NIN: variants seen among roughly 807,000 people sequenced by gnomAD.
NIN encodes glycogen synthase kinase 3 beta-interacting protein.
Under a neutral mutation model 257.6 loss-of-function variants are expected in NIN, and 137 were observed. That is an observed-to-expected ratio of 0.53 (90% CI 0.46 to 0.61). NIN has a LOEUF of 0.61. NIN is among the 20% of genes least tolerant of loss of function. The pLI, the probability that NIN is intolerant of heterozygous loss-of-function variation, is 0.00. For missense variants in NIN, 2,439 were observed against 2,501.2 expected (o/e 0.98, Z 0.53); for synonymous variants, 918 against 919.8 (o/e 1.00, Z 0.04).
chr14:50,775,945 CA>C (rs1206131985), intron 7 of NIN, among the ~76,000 whole-genome samples: 12 of 151,526 alleles, frequency 7.9e-5, no homozygotes, highest in Admixed American at 5.9e-4. Context: ...GGGAAAACAA[CA>C]AAAAAAATTT....
intron 5 of NIN, among the ~76,000 whole-genome samples, chr14:50,786,220 T>C (rs1158904340): frequency 6.6e-6 from 1 of 152,218 alleles, no homozygotes; most frequent in African/African-American, 2.4e-5. Flanking sequence ...AAAAAATACC[T>C]TTCCTGCTCC....
chr14:50,790,091 G>A (rs1299793335), intron 5 of NIN, among the ~76,000 whole-genome samples: 1 of 152,148 alleles, frequency 6.6e-6, no homozygotes, highest in African/African-American at 2.4e-5. Flanking sequence ...GTCTTGCTCT[G>A]TCACCCAGGC....
intron 4 of NIN, among the ~76,000 whole-genome samples, chr14:50,800,960 C>T (rs945628748): frequency 8.5e-5 from 12 of 140,766 alleles, no homozygotes; most frequent in African/African-American, 3.2e-4. Context: ...TTTTTGTATT[C>T]TTTAGTAGAG....
chr14:50,757,215 C>A lies in NIN; in HGVS notation c.3815G>T (p.Arg1272Leu), dbSNP rs376940565. The A allele has an allele frequency of 6.2e-7, 1 of 1,614,112 alleles. No individual in the cohort carries two copies. The highest frequency in any genetic ancestry group is 2.2e-5 in the East Asian group (1 of 44,890). ...GTTATTTTCTAGTGCCTCATCGTAG[C>A]GTGTCTCCATCATTCTCAGCTCTTC... Reference protein sequence around the residue: ...LQEELRMMETRYDEALENNKE... With the variant: ...LQEELRMMETLYDEALENNKE... The change falls in exon 18 of 31, where the codon CGC (arginine) becomes CTC (leucine). Residue 1272 changes from arginine (R) to leucine (L), a missense_variant. Physicochemically the swap from Arg to Leu is moderately radical, Grantham distance 102. Around this residue, in one of 3 missense-constraint regions of NIN, gnomAD observed 2,043 missense variants for 2,050.2 expected, o/e 1.00. Coordinates refer to ENST00000530997, the MANE Select transcript of NIN (RefSeq NM_020921.4).
chr14:50,831,490 C>T (rs1040812262), upstream of NIN, among the ~76,000 whole-genome samples: 1 of 152,134 alleles, frequency 6.6e-6, no homozygotes, highest in Non-Finnish European at 1.5e-5. Context: ...GCAGCGTCTT[C>T]GCGCAGAGGA....
At chr14:50,790,779 G>T (rs1214560972) in intron 5 of NIN, among the ~76,000 whole-genome samples, 1 of 152,156 alleles carries the variant, frequency 6.6e-6, no homozygotes, top group African/African-American at 2.4e-5. Context: ...TGAGACATAA[G>T]CCACAAGATT....
chr14:50,781,501 T>C (rs2043133689), intron 5 of NIN, among the ~76,000 whole-genome samples: 1 of 152,360 alleles, frequency 6.6e-6, no homozygotes, highest in East Asian at 1.9e-4. Context: ...TCCAACATCT[T>C]ATGAGTCTAT....
chr14:50,825,819 A>G (rs889801886), intron 2 of NIN, among the ~76,000 whole-genome samples: 3 of 152,244 alleles, frequency 2.0e-5, no homozygotes, highest in South Asian at 2.1e-4. Context: ...CATGGCCACA[A>G]ACTTTTCCAA....
At chr14:50,807,540 T>C (rs2044386119) in intron 3 of NIN, among the ~76,000 whole-genome samples, 1 of 152,226 alleles carries the variant, frequency 6.6e-6, no homozygotes, top group Admixed American at 6.5e-5. Flanking sequence ...TAGATGTATG[T>C]AATCTCACCT....
chr14:50,778,537 G>GAA (rs1195711752), intron 6 of NIN, among the ~76,000 whole-genome samples: 1 of 152,222 alleles, frequency 6.6e-6, no homozygotes, highest in East Asian at 1.9e-4. Context: ...GTATAAGAGA[G>GAA]AAATTAGCCC....
intron 4 of NIN, among the ~76,000 whole-genome samples, chr14:50,796,737 C>A (rs1233355110): frequency 1.3e-5 from 2 of 152,188 alleles, no homozygotes; most frequent in Non-Finnish European, 2.9e-5. Context: ...AAACACCCGC[C>A]TCATTCCTCT....
chr14:50,779,285 C>T (rs563302055), intron 5 of NIN, among the ~76,000 whole-genome samples: 5 of 152,294 alleles, frequency 3.3e-5, no homozygotes, highest in African/African-American at 1.2e-4. Flanking sequence ...AGTTTATATG[C>T]TAATGAAGAC....
chr14:50,812,477 A>G (rs1045156617), intron 3 of NIN, among the ~76,000 whole-genome samples: 15 of 152,244 alleles, frequency 9.9e-5, no homozygotes, highest in Non-Finnish European at 2.2e-4. Context: ...CAGGAGATAC[A>G]TGATCAAGAA....
At position 50,721,519 on chromosome 14, in the gene NIN, T is replaced by A. The variant is rs1216150182; in HGVS notation, c.*1944A>T. 7 of 217,428 alleles carry A rather than the reference T, an allele frequency of 3.2e-5. No individual in the cohort carries two copies. Among genetic ancestry groups the A allele is most frequent in the Non-Finnish European group, 6.5e-5 (7 of 107,802 alleles). 13.5% of individuals were successfully genotyped at this position (217,428 alleles called of 1,614,324 possible). ...AAATACACTACAGGTACTTAGTTTA[T>A]TTTTGTCCTTAGCCTAGGCCAATCC... On this transcript the variant is annotated 3_prime_UTR_variant, in exon 31 of 31. Transcript: ENST00000530997.
In NIN at chr14:50,763,879, T is replaced by C; in HGVS notation, c.1721A>G (p.Asn574Ser). Residue 574 changes from asparagine to serine, a missense_variant, in exon 15 of 31, where the codon AAC becomes AGC. Coordinates refer to ENST00000530997, the MANE Select transcript of NIN (RefSeq NM_020921.4). ...AGCCTCAACTTCTTCTGACGGTGAGTTCTTCAACGGAAGCCTGAGCACTCT... is the reference window on the plus strand; with the variant it reads ...AGCCTCAACTTCTTCTGACGGTGAGCTCTTCAACGGAAGCCTGAGCACTCT... ...QGRVLRLPLK[N>S]SPSEEVEANS... 6.2e-7 allele frequency: 1 copy of C among 1,613,952 alleles called. No individual in the cohort carries two copies. The highest frequency in any genetic ancestry group is 8.5e-7 in the Non-Finnish European group (1 of 1,179,862).
intron 5 of NIN, among the ~76,000 whole-genome samples, chr14:50,791,780 G>C (rs2043600183): frequency 7.0e-6 from 1 of 141,930 alleles, no homozygotes; most frequent in Non-Finnish European, 1.5e-5. Flanking sequence ...ATGGATGTTA[G>C]ACCACAATGA....
chr14:50,778,775 A>C lies in NIN; in HGVS notation c.465T>G (p.Tyr155Ter). 6.2e-7 allele frequency: 1 copy of C among 1,614,076 alleles called. No homozygotes were observed. The highest frequency in any genetic ancestry group is 8.5e-7 in the Non-Finnish European group (1 of 1,180,010). Reference protein sequence around the residue: ...EHWKTQRSEEYEAEGQLRFWN... With the variant: ...EHWKTQRSEE ...ACACTCGGCTCTTACCTTCCGCTTC[A>C]TACTCCTCACTGCGTTGCGTCTTCC... Residue 155 changes from tyrosine (Y) to a stop codon, truncating the protein, a stop_gained, in exon 6 of 31, where the codon TAT (tyrosine) becomes TAG (stop). Transcript: ENST00000530997. LOFTEE classifies it high-confidence loss of function.
At chr14:50,727,471 A>C (rs1366172229) in intron 29 of NIN, 2 of 1,187,188 alleles carry the variant, frequency 1.7e-6, no homozygotes, top group Non-Finnish European at 2.1e-6. Flanking sequence ...TAACAAGCTG[A>C]TGTTTGTGAA....
intron 28 of NIN, among the ~76,000 whole-genome samples, chr14:50,732,097 T>C (rs9323192): frequency 0.25 from 37,905 of 152,138 alleles, 5,078 homozygotes; most frequent in Middle Eastern, 0.34. Flanking sequence ...CCCTAATTTT[T>C]TTCTTTACCT....
Sources: gnomAD v4.1 joint callset for allele counts (sites outside exome capture counted in the v4.1 genomes callset) on GRCh38, gnomAD v4.1.1 for gene constraint, gnomAD v4.1.1 regional missense constraint, MANE v1.5 for transcripts, NCBI Gene and HGNC (gene_info 2026-07-23, HGNC 2026-07-21) for gene names.